Variants in EVI5 observed in about 807,000 individuals in gnomAD.
EVI5 encodes ecotropic viral integration site 5.
In EVI5, 73 loss-of-function variants were observed where a neutral mutation model predicts 112.0. The ratio of observed to expected loss-of-function variants is 0.65; its 90% CI spans 0.54 to 0.79. The LOEUF is 0.79. EVI5 is among the 30% of genes least tolerant of loss of function. EVI5 has a pLI of 0.00. For synonymous variants in EVI5, 305 were observed against 319.9 expected, an observed-to-expected ratio of 0.95 and a Z score of 0.50; for missense variants, 900 against 968.8, an observed-to-expected ratio of 0.93 and a Z score of 0.94.
intron 18 of EVI5, chr1:92,580,335 C>T (rs1671745394): frequency 6.6e-6 from 1 of 151,914 alleles, no homozygotes; most frequent in East Asian, 1.9e-4. Flanking sequence ...TTCATAACAA[C>T]CAAAAATAAA....
intron 9 of EVI5, among the ~76,000 whole-genome samples, chr1:92,679,494 CTTAT>C (rs748151281): frequency 6.6e-6 from 1 of 152,058 alleles, no homozygotes; most frequent in South Asian, 2.1e-4. Context: ...ATAAACCCTA[CTTAT>C]TTAACTCCAC....
At chr1:92,522,723 A>G (rs1166909137) in intron 19 of EVI5, among the ~76,000 whole-genome samples, 1 of 147,416 alleles carries the variant, frequency 6.8e-6, no homozygotes, top group African/African-American at 2.5e-5. Context: ...TTGCTTTTTC[A>G]TTTTTGTCAG....
intron 18 of EVI5, among the ~76,000 whole-genome samples, chr1:92,565,068 A>G (rs1669222418): frequency 6.6e-6 from 1 of 152,146 alleles, no homozygotes; most frequent in South Asian, 2.1e-4. Context: ...TTGATGCTTA[A>G]AATGTTAAGC....
chr1:92,576,149 TA>T (rs768627870), intron 18 of EVI5, among the ~76,000 whole-genome samples: 7 of 152,296 alleles, frequency 4.6e-5, no homozygotes, highest in Admixed American at 6.5e-5. Context: ...GGAACAGTGC[TA>T]AAAGACACTG....
chr1:92,522,631 CAAAAAAAAAAAA>C (rs61277173), intron 19 of EVI5, among the ~76,000 whole-genome samples: 1 of 70,486 alleles, frequency 1.4e-5, no homozygotes, highest in Non-Finnish European at 2.4e-5. Flanking sequence ...ACTCCATCTC[CAAAAAAAAAAAA>C]AAAAAAAAGA....
chr1:92,784,282 GC>G (rs1685300027), intron 1 of EVI5: 1 of 984,320 alleles, frequency 1.0e-6, no homozygotes, highest in African/African-American at 1.7e-5. Context: ...TTTGAGGCTT[GC>G]CCCACTAGTC....
At chr1:92,604,663 T>C (rs576843509) in intron 18 of EVI5, among the ~76,000 whole-genome samples, 6 of 152,328 alleles carry the variant, frequency 3.9e-5, no homozygotes, top group African/African-American at 9.6e-5. Context: ...ACCAGTAACA[T>C]AGTCATTTAT....
intron 18 of EVI5, among the ~76,000 whole-genome samples, chr1:92,597,957 G>A (rs1648281089): frequency 1.3e-5 from 2 of 152,178 alleles, no homozygotes; most frequent in Non-Finnish European, 2.9e-5. Context: ...TACTTGGGAG[G>A]CTGAGGTGGG....
chr1:92,676,896 G>A (rs1666835110), intron 10 of EVI5, among the ~76,000 whole-genome samples: 1 of 152,150 alleles, frequency 6.6e-6, no homozygotes, highest in Non-Finnish European at 1.5e-5. Flanking sequence ...TAAATGGAAT[G>A]ATAATTTTCT....
chr1:92,656,013 G>A (rs895375016), intron 13 of EVI5, among the ~76,000 whole-genome samples: 1 of 152,078 alleles, frequency 6.6e-6, no homozygotes, highest in African/African-American at 2.4e-5. Context: ...ACTGAGACAG[G>A]AAATCAACAA....
In EVI5 at chr1:92,757,156, G is replaced by A. The variant is rs143176841; in HGVS notation, c.-81-20529C>T. On this transcript the variant is annotated intron_variant, in intron 1 of 19. Transcript: ENST00000684568. ...GACTAAACAAACACTTTGACGGTGC[G>A]TGTGTCAAATTTAGTTACAACAAAT... Among the ~76,000 whole-genome samples, 787 of 152,278 alleles carry A rather than the reference G, an allele frequency of 5.2e-3. 6 individuals are homozygous for A. The highest frequency in any genetic ancestry group is 0.018 in the African/African-American group (729 of 41,558).
chr1:92,544,506 GT>G (rs1427376439), intron 19 of EVI5, among the ~76,000 whole-genome samples: 1 of 152,034 alleles, frequency 6.6e-6, no homozygotes, highest in East Asian at 1.9e-4. Flanking sequence ...TCTACATCCA[GT>G]TTTTTCCTCA....
At chr1:92,649,992 T>C (rs542792197) in intron 13 of EVI5, among the ~76,000 whole-genome samples, 2 of 152,330 alleles carry the variant, frequency 1.3e-5, no homozygotes, top group Admixed American at 6.5e-5. Context: ...CAACTGGCCA[T>C]AGATGTATGG....
Position 92,513,273 on chromosome 1 carries a change from C to T in EVI5, c.*383G>A, listed in dbSNP as rs1659314159. 1 of 151,806 alleles carries T rather than the reference C, an allele frequency of 6.6e-6. No individual in the cohort carries two copies. The highest frequency in any genetic ancestry group is 2.4e-5 in the African/African-American group (1 of 41,268). 9.4% of individuals were successfully genotyped at this position (151,806 alleles called of 1,614,324 possible). ...ATAAATACACAATTTGCTCACTGAG[C>T]ATAAAATATTGCACAAGAGCAGTTT... is the stretch of plus-strand genomic sequence containing the variant. On this transcript the variant is annotated 3_prime_UTR_variant, in exon 20 of 20. Coordinates refer to ENST00000684568, the MANE Select transcript of EVI5 (RefSeq NM_001350197.2).
In EVI5 at chr1:92,639,256, C is replaced by G. The variant is rs146351543; in HGVS notation, c.1393-2920G>C. Among the ~76,000 whole-genome samples, 706 of 151,882 alleles carry G rather than the reference C, an allele frequency of 4.6e-3. 6 individuals carry two copies. Among genetic ancestry groups the G allele is most frequent in the Non-Finnish European group, 5.8e-3 (393 of 67,942 alleles). On this transcript the variant is annotated intron_variant, in intron 13 of 19. Coordinates refer to ENST00000684568, the MANE Select transcript of EVI5 (RefSeq NM_001350197.2). The stretch of plus-strand genomic sequence containing the variant: ...TGCTTTTCTGGTGTTGCAAAAATTA[C>G]AAAGGTAAAGGTAAGTTAGAAAGTC...
In EVI5 at chr1:92,667,773, G is replaced by A. The variant is rs367848495; in HGVS notation, c.1159-1781C>T. ...TGGACCTACAGGCACATGCCACCAC[G>A]CTCAGCTAATTTTTTGTATTTTTAG... On this transcript the variant is annotated intron_variant, in intron 10 of 19. Transcript: ENST00000684568. 8.0e-4 allele frequency among the ~76,000 whole-genome samples: 122 copies of A among 152,124 alleles called. 1 individual carries two copies. The highest frequency in any genetic ancestry group is 2.8e-3 in the African/African-American group (115 of 41,498).
At chr1:92,746,541 C>G (rs1679272242) in intron 1 of EVI5, among the ~76,000 whole-genome samples, 1 of 152,048 alleles carries the variant, frequency 6.6e-6, no homozygotes, top group Non-Finnish European at 1.5e-5. Flanking sequence ...GTCTGGCCAA[C>G]ATGGTGAAAC....
intron 1 of EVI5, chr1:92,756,362 T>A (rs1570790015): frequency 1.9e-6 from 1 of 517,710 alleles, no homozygotes; most frequent in East Asian, 5.4e-5. Flanking sequence ...ATATGCAGAT[T>A]TCCTGGAAGT....
At chr1:92,732,318 CT>C in intron 2 of EVI5, 1 of 399,252 alleles carries the variant, frequency 2.5e-6, no homozygotes, top group Non-Finnish European at 4.9e-6. Flanking sequence ...ATCCCAAAGC[CT>C]TACATGACTG....
Sources: gnomAD v4.1 joint callset for allele counts (sites outside exome capture counted in the v4.1 genomes callset) on GRCh38, gnomAD v4.1.1 for gene constraint, MANE v1.5 for transcripts, NCBI Gene and HGNC (gene_info 2026-07-23, HGNC 2026-07-21) for gene names.